TMEM94: variants seen among roughly 807,000 people sequenced by gnomAD.
TMEM94 encodes the protein transmembrane protein 94.
In TMEM94, 81 loss-of-function variants were observed where a neutral mutation model predicts 158.6. That is an observed-to-expected ratio of 0.51 (90% CI 0.43 to 0.61). The LOEUF is 0.61. Among genes scored for constraint, TMEM94 ranks in the 20% least tolerant of loss-of-function variants. TMEM94 has a pLI of 0.00. For missense variants in TMEM94, 1,435 were observed against 1,762.0 expected (o/e 0.81, Z 3.32); for synonymous variants, 751 against 730.7 (o/e 1.03, Z -0.45).
chr17:75,465,655 T>TATATATATATATATATATATATATATATA (rs9302993), intron 1 of TMEM94, among the ~76,000 whole-genome samples: 1 of 98,852 alleles, frequency 1.0e-5, no homozygotes, highest in African/African-American at 5.3e-5. Flanking sequence ...ATAAGAATTT[T>TATATATATATATATATATATATATATATA]TATATATATA....
At position 75,491,175 on chromosome 17, in the gene TMEM94, A is replaced by T. The variant is rs374322577; in HGVS notation, c.1233+22A>T. The T allele has an allele frequency of 1.3e-6, 2 of 1,598,006 alleles. No homozygotes were observed. Among genetic ancestry groups the T allele is most frequent in the Non-Finnish European group, 1.7e-6 (2 of 1,169,996 alleles). On this transcript the variant is annotated intron_variant, in intron 12 of 31. Transcript: ENST00000314256. The surrounding 1 kb of genome is among the most constrained non-coding windows in gnomAD (Gnocchi z 5.1). ...CACGGTGAGGGTGGGCCTTGCGGGG[A>T]GGAGGCAACTGTCATGCCCGCCCTG...
chr17:75,466,018 A>C (rs1412931270), intron 1 of TMEM94, among the ~76,000 whole-genome samples: 2 of 152,132 alleles, frequency 1.3e-5, no homozygotes, highest in Non-Finnish European at 2.9e-5. Flanking sequence ...TCCTAGGCTC[A>C]TGTGATTCCC....
chr17:75,498,684 C>G lies in TMEM94; in HGVS notation c.3789C>G (p.Pro1263=). ...CCAAGCCCCTGTGGAGAAAGAGCCC[C>G]TTGACCAACCTCTGGTGGGCCGTGA... ...HRTKPLWRKS[P]LTNLWWAVTV... The change falls in exon 30 of 32, where the codon CCC becomes CCG. Residue 1263 remains proline, a synonymous_variant. Coordinates refer to ENST00000314256, the MANE Select transcript of TMEM94 (RefSeq NM_014738.6). This position sits in a 1 kb window ranked among gnomAD's most constrained non-coding sequence, Gnocchi z 6.7. The G allele has an allele frequency of 5.0e-6, 8 of 1,587,658 alleles. No homozygotes were observed. The highest frequency in any genetic ancestry group is 6.9e-6 in the Non-Finnish European group (8 of 1,165,920).
chr17:75,486,254 C>T, intron 4 of TMEM94, 36 bp from the exon 5 acceptor site: 1 of 1,612,932 alleles, frequency 6.2e-7, no homozygotes, highest in East Asian at 2.2e-5. Flanking sequence ...CGAGCCCTCA[C>T]TCCCTGTGGG....
At chr17:75,486,578 C>T (rs1193542275) in intron 5 of TMEM94, 152 bp downstream of exon 5, 40 of 966,034 alleles carry the variant, frequency 4.1e-5, no homozygotes, top group Non-Finnish European at 4.4e-5. Context: ...GATGCCCACT[C>T]TCTTTTGAGC....
chr17:75,477,892 C>G (rs1436997178), intron 2 of TMEM94, among the ~76,000 whole-genome samples: 1 of 151,026 alleles, frequency 6.6e-6, no homozygotes, highest in Non-Finnish European at 1.5e-5. Context: ...GCCTGTAGTC[C>G]CAGCTACTCT....
At chr17:75,478,580 A>C (rs2050902200) in intron 2 of TMEM94, among the ~76,000 whole-genome samples, 1 of 152,162 alleles carries the variant, frequency 6.6e-6, no homozygotes, top group South Asian at 2.1e-4. Flanking sequence ...GAGTTCTTTC[A>C]CCACCCTGCT....
At chr17:75,478,997 G>A (rs576849903) in intron 2 of TMEM94, among the ~76,000 whole-genome samples, 6 of 152,240 alleles carry the variant, frequency 3.9e-5, no homozygotes, top group South Asian at 2.1e-4. Context: ...TAAGAACTGC[G>A]CCTGTTCCCT....
At chr17:75,490,152 C>T (rs1026979220) in intron 9 of TMEM94, 82 bp from the exon 10 acceptor site, 27 of 1,550,900 alleles carry the variant, frequency 1.7e-5, no homozygotes, top group Middle Eastern at 3.5e-4. Context: ...AGGGAATGGC[C>T]GTGGGGCCAG....
chr17:75,496,128 G>A, intron 23 of TMEM94, 54 bp downstream of exon 23: 1 of 1,530,768 alleles, frequency 6.5e-7, no homozygotes, highest in Non-Finnish European at 9.0e-7. Context: ...CAGACCGGAG[G>A]ATCAGATGGG....
chr17:75,478,462 G>T (rs1025707806), intron 2 of TMEM94, among the ~76,000 whole-genome samples: 1 of 152,178 alleles, frequency 6.6e-6, no homozygotes, highest in Non-Finnish European at 1.5e-5. Context: ...GAGAGCTCAG[G>T]TGTGTCGGCT....
At chr17:75,456,925 G>A (rs1403007074) in intron 1 of TMEM94, among the ~76,000 whole-genome samples, 174 bp downstream of exon 1, 1 of 152,204 alleles carries the variant, frequency 6.6e-6, no homozygotes, top group Non-Finnish European at 1.5e-5. Context: ...CTAGTCTCCA[G>A]CTCTTGACCA....
At chr17:75,493,374 TCTC>T (rs2052387327) in intron 16 of TMEM94, 114 bp from the exon 17 acceptor site, 1 of 1,041,706 alleles carries the variant, frequency 9.6e-7, no homozygotes, top group Non-Finnish European at 1.5e-6. Context: ...TCCCAGGGAG[TCTC>T]CTCCTCTGGC....
rs750270789 is a variant in TMEM94 at position 75,488,930 on chromosome 17, T to G, written c.764+20T>G. 1 of 1,540,278 alleles carries G rather than the reference T, an allele frequency of 6.5e-7. No individual in the cohort carries two copies. The highest frequency in any genetic ancestry group is 8.8e-7 in the Non-Finnish European group (1 of 1,141,574). ...CATCAGGTAGGGGTGCTGCCCCGCC[T>G]CCTCCTGTCCCTGGTGTCTTCTGTG... On this transcript the variant is annotated intron_variant, in intron 7 of 31. Transcript: ENST00000314256.
In TMEM94 at chr17:75,493,725, G is replaced by A; in HGVS notation, c.2216G>A (p.Arg739Gln). The change falls in exon 18 of 32, where the codon CGA (arginine) becomes CAA (glutamine). Residue 739 changes from arginine to glutamine, a missense_variant. This residue lies in a region of TMEM94 where 1,051 missense variants were observed against 1,254.4 expected (regional missense o/e 0.84). Transcript: ENST00000314256. ...AAGAAAGTGCTGGACTTCTACCAGCGAGCCTGCCTGTCTGGGTATTGCTCT... is the reference window on the plus strand; with the variant it reads ...AAGAAAGTGCTGGACTTCTACCAGCAAGCCTGCCTGTCTGGGTATTGCTCT... ...DRKKVLDFYQ[R>Q]ACLSGYCSAF... The A allele has an allele frequency of 1.2e-6, 2 of 1,614,008 alleles. No individual in the cohort carries two copies. Among genetic ancestry groups the A allele is most frequent in the Non-Finnish European group, 1.7e-6 (2 of 1,180,042 alleles).
intron 2 of TMEM94, among the ~76,000 whole-genome samples, chr17:75,477,877 C>T (rs1254220420): frequency 7.3e-5 from 11 of 150,934 alleles, no homozygotes; most frequent in Non-Finnish European, 1.0e-4. Flanking sequence ...GGCATGGTGG[C>T]GCATGCCTGT....
In TMEM94 at chr17:75,491,059, G is replaced by A. The variant is rs751944351; in HGVS notation, c.1139G>A (p.Arg380His). Reference protein sequence around the residue: ...TEAVSSQEMLRCIWGHFLRVL... With the variant: ...TEAVSSQEMLHCIWGHFLRVL... ...CCTCTCTCCCACCAGGAAATGCTGC[G>A]CTGCATTTGGGGCCACTTCCTGAGG... Residue 380 changes from arginine (R) to histidine (H), a missense_variant, in exon 12 of 32, where the codon CGC becomes CAC. Coordinates refer to ENST00000314256, the MANE Select transcript of TMEM94 (RefSeq NM_014738.6). The surrounding 1 kb of genome is among the most constrained non-coding windows in gnomAD (Gnocchi z 5.1). The A allele has an allele frequency of 1.6e-5, 26 of 1,610,160 alleles. No homozygotes were observed. Among genetic ancestry groups the A allele is most frequent in the Middle Eastern group, 1.7e-4 (1 of 6,060 alleles).
At chr17:75,459,029 C>T (rs1598291246) in intron 1 of TMEM94, among the ~76,000 whole-genome samples, 1 of 151,352 alleles carries the variant, frequency 6.6e-6, no homozygotes, top group East Asian at 1.9e-4. Context: ...TGCACTCCAG[C>T]CTGGGCGACA....
At chr17:75,490,183 C>T in intron 9 of TMEM94, 51 bp from the exon 10 acceptor site, 1 of 1,599,020 alleles carries the variant, frequency 6.3e-7, no homozygotes, top group Non-Finnish European at 8.5e-7. Context: ...CCCTTCCCTC[C>T]TCCCCAGGCC....
Sources: allele counts gnomAD v4.1 joint callset (sites outside exome capture counted in the v4.1 genomes callset), GRCh38; gene constraint gnomAD v4.1.1; regional missense constraint gnomAD v4.1.1; non-coding constraint Gnocchi (gnomAD v3.1); transcripts MANE v1.5; gene names NCBI Gene and HGNC (gene_info 2026-07-23, HGNC 2026-07-21).